Variants in OR5H15 observed in about 807,000 individuals in gnomAD.
OR5H15 encodes the protein olfactory receptor family 5 subfamily H member 15.
For missense variants in OR5H15, 405 were observed against 366.1 expected (o/e 1.11, Z -0.87); for synonymous variants, 153 against 129.1 (o/e 1.19, Z -1.26).
In OR5H15 at chr3:98,169,466, T is replaced by C. The variant is rs1708776539; in HGVS notation, c.767T>C (p.Leu256Pro). 1 of 1,612,990 alleles carries C rather than the reference T, an allele frequency of 6.2e-7. No homozygotes were observed. Among genetic ancestry groups the C allele is most frequent in the African/African-American group, 1.3e-5 (1 of 74,444 alleles). The change falls in exon 2 of 2, where the codon CTC becomes CCC. Residue 256 changes from leucine (L) to proline (P), a missense_variant. By Grantham distance (98) the Leu-to-Pro change is moderately conservative (BLOSUM62 -3). Transcript: ENST00000641450. Reference sequence around the variant, plus strand: ...GTCTGTTTATACTATGGCCCCCTTCTCTTAATGTATGTGGGCCCTGCATCT... The same window carrying C: ...GTCTGTTTATACTATGGCCCCCTTCCCTTAATGTATGTGGGCCCTGCATCT... ...FSVCLYYGPL[L>P]LMYVGPASPQ...
At chr3:98,168,583 G>T (rs1708751952) in intron 1 of OR5H15, 99 bp from the exon 2 acceptor site, 1 of 1,332,674 alleles carries the variant, frequency 7.5e-7, no homozygotes. Context: ...AATTGAGAGG[G>T]TTCTGATCAT....
chr3:98,169,000 T>C lies in OR5H15; in HGVS notation c.301T>C (p.Phe101Leu). 6.5e-7 allele frequency: 1 copy of C among 1,545,296 alleles called. No individual in the cohort carries two copies. Among genetic ancestry groups the C allele is most frequent in the South Asian group, 1.2e-5 (1 of 80,166 alleles). Residue 101 changes from phenylalanine (F) to leucine (L), a missense_variant, in exon 2 of 2, where the codon TTT becomes CTT. Coordinates refer to ENST00000641450, the MANE Select transcript of OR5H15 (RefSeq NM_001005515.2). ...MISLSECKIQ[F>L]FSIAIGVTTE... Reference sequence around the variant, plus strand: ...ATCTCTCTCTGAATGCAAGATACAATTTTTTTCCATTGCAATTGGCGTAAC... The same window carrying C: ...ATCTCTCTCTGAATGCAAGATACAACTTTTTTCCATTGCAATTGGCGTAAC...
At position 98,168,690 on chromosome 3, in the gene OR5H15, C is replaced by T. The variant is rs1289159526; in HGVS notation, c.-10C>T. On this transcript the variant is annotated 5_prime_UTR_variant, in exon 2 of 2. An upstream open reading frame in the 5' UTR gains an earlier in-frame stop. Transcript: ENST00000641450. Reference sequence around the variant, plus strand: ...GTTGCATTTTATTTTAGAGGACATGCAGTGAGGACATGGAAGAGGAAAATG... The same window carrying T: ...GTTGCATTTTATTTTAGAGGACATGTAGTGAGGACATGGAAGAGGAAAATG... 6.2e-7 allele frequency: 1 copy of T among 1,610,932 alleles called. No homozygotes were observed. Among genetic ancestry groups the T allele is most frequent in the African/African-American group, 1.3e-5 (1 of 74,790 alleles).
chr3:98,169,250 T>C lies in OR5H15; in HGVS notation c.551T>C (p.Leu184Ser), dbSNP rs748822263. Residue 184 changes from leucine (L) to serine (S), a missense_variant, in exon 2 of 2, where the codon TTG becomes TCG. Physicochemically the swap from Leu to Ser is moderately radical, Grantham distance 145. Coordinates refer to ENST00000641450, the MANE Select transcript of OR5H15 (RefSeq NM_001005515.2). The part of the protein sequence containing the change: ...VHHIYCDTIP[L>S]SKISCTDSSI... ...CACATTTACTGTGACACTATCCCAT[T>C]GTCTAAGATTTCTTGTACTGATTCT... 2.5e-6 allele frequency: 4 copies of C among 1,611,326 alleles called. No individual in the cohort carries two copies. Among genetic ancestry groups the C allele is most frequent in the Non-Finnish European group, 3.4e-6 (4 of 1,178,196 alleles).
chr3:98,169,673 A>G lies in OR5H15; in HGVS notation c.*32A>G, dbSNP rs754790155. Reference sequence around the variant, plus strand: ...TTTTCTATTTACTAAAATAGTCACAAAATTACGCAAGTTAGAGGTACCTAT... The same window carrying G: ...TTTTCTATTTACTAAAATAGTCACAGAATTACGCAAGTTAGAGGTACCTAT... On this transcript the variant is annotated 3_prime_UTR_variant, in exon 2 of 2. Transcript: ENST00000641450. 1.4e-6 allele frequency: 2 copies of G among 1,476,402 alleles called. No individual in the cohort carries two copies. Among genetic ancestry groups the G allele is most frequent in the Non-Finnish European group, 1.9e-6 (2 of 1,070,190 alleles). 91.5% of individuals were successfully genotyped at this position (1,476,402 alleles called of 1,614,324 possible). A position where few individuals can be genotyped will look rare whatever the true frequency, so the allele number is the denominator to read the frequency against.
In OR5H15 at chr3:98,169,115, G is replaced by A. The variant is rs757328054; in HGVS notation, c.416G>A (p.Gly139Glu). ...PLLYPAIMTN[G>E]LCIRLLILSY... ...CTTTATCCAGCCATTATGACCAATG[G>A]ACTGTGCATCCGGCTATTAATCTTG... The change falls in exon 2 of 2, where the codon GGA (glycine) becomes GAA (glutamate). Residue 139 changes from glycine (G) to glutamate (E), a missense_variant. Physicochemically the swap from Gly to Glu is moderately conservative, Grantham distance 98. Transcript: ENST00000641450. 6.2e-7 allele frequency: 1 copy of A among 1,613,518 alleles called. No individual in the cohort carries two copies. The highest frequency in any genetic ancestry group is 8.5e-7 in the Non-Finnish European group (1 of 1,179,620).
chr3:98,167,536 C>A (rs1206337109), intron 1 of OR5H15, among the ~76,000 whole-genome samples: 1 of 151,828 alleles, frequency 6.6e-6, no homozygotes, highest in Non-Finnish European at 1.5e-5. Flanking sequence ...TGATAGCCAC[C>A]AAGACTTGGA....
chr3:98,168,605 T>C (rs892107343), intron 1 of OR5H15, 77 bp from the exon 2 acceptor site: 13 of 1,511,818 alleles, frequency 8.6e-6, no homozygotes, highest in African/African-American at 1.4e-5. Context: ...TTAGGGTTTA[T>C]TTCAACATCT....
Position 98,169,624 on chromosome 3 carries a change from G to A in OR5H15, c.925G>A (p.Val309Ile). 2.5e-6 allele frequency: 4 copies of A among 1,592,474 alleles called. No homozygotes were observed. The highest frequency in any genetic ancestry group is 3.4e-6 in the Non-Finnish European group (4 of 1,163,878). The change falls in exon 2 of 2, where the codon GTT becomes ATT. Residue 309 changes from valine (V) to isoleucine (I), a missense_variant. By Grantham distance (29) the Val-to-Ile change is conservative (BLOSUM62 3). Coordinates refer to ENST00000641450, the MANE Select transcript of OR5H15 (RefSeq NM_001005515.2). ...ATTCATAAAAATGTTAAAAAGAAAT[G>A]TTAAGGTTTCATACTAATATCCTTT... ...VSFIKMLKRN[V>I]KVSY
chr3:98,168,568 C>T, intron 1 of OR5H15, 114 bp from the exon 2 acceptor site: 1 of 1,198,044 alleles, frequency 8.3e-7, no homozygotes, highest in Non-Finnish European at 1.2e-6. Context: ...TAGGACTGAT[C>T]AAAAAATTGA....
At position 98,169,198 on chromosome 3, in the gene OR5H15, A is replaced by C. The variant is rs4133322; in HGVS notation, c.499A>C (p.Thr167Pro). Residue 167 changes from threonine to proline, a missense_variant, in exon 2 of 2, where the codon ACC becomes CCC. Thr to Pro is a conservative substitution (Grantham distance 38). Transcript: ENST00000641450. ...CCATGAAGGATTTTTATTCAGACTA[A>C]CCTTCTGTAACTCCAACATAGTACA... ...LIHEGFLFRL[T>P]FCNSNIVHHI... is the part of the protein sequence containing the mutation. 5.0e-6 allele frequency: 8 copies of C among 1,612,368 alleles called. No homozygotes were observed. In the African/African-American group the frequency reaches 5.3e-5, roughly 11 times the overall value.
Position 98,169,391 on chromosome 3 carries a change from A to T in OR5H15, c.692A>T (p.Asp231Val), listed in dbSNP as rs1354676981. The T allele has an allele frequency of 4.3e-6, 7 of 1,613,362 alleles. No individual in the cohort carries two copies. The highest frequency in any genetic ancestry group is 5.9e-6 in the Non-Finnish European group (7 of 1,179,644). Reference protein sequence around the residue: ...VLFTVLEKKSDKGVRKAFSTC... With the variant: ...VLFTVLEKKSVKGVRKAFSTC... ...TTCACAGTCTTAGAAAAGAAATCTG[A>T]TAAGGGTGTAAGGAAAGCCTTTTCC... The change falls in exon 2 of 2, where the codon GAT becomes GTT. Residue 231 changes from aspartate (D) to valine (V), a missense_variant. Transcript: ENST00000641450.
chr3:98,167,761 G>A (rs549066526), intron 1 of OR5H15, among the ~76,000 whole-genome samples: 4 of 152,086 alleles, frequency 2.6e-5, no homozygotes, highest in African/African-American at 7.2e-5. Flanking sequence ...ATTATGATCG[G>A]AAAATACCTA....
In OR5H15 at chr3:98,168,575, T is replaced by A. The variant is rs1708751819; in HGVS notation, c.-18-107T>A. ...ATCAGTTGTAGGACTGATCAAAAAATTGAGAGGGTTCTGATCATTTTAGGG... is the reference window on the plus strand; with the variant it reads ...ATCAGTTGTAGGACTGATCAAAAAAATGAGAGGGTTCTGATCATTTTAGGG... On this transcript the variant is annotated intron_variant, in intron 1 of 1. Coordinates refer to ENST00000641450, the MANE Select transcript of OR5H15 (RefSeq NM_001005515.2). 17 of 1,252,240 alleles carry A rather than the reference T, an allele frequency of 1.4e-5. No individual in the cohort carries two copies. The South Asian group carries it at 2.5e-4, about 18-fold the overall frequency. 77.6% of individuals were successfully genotyped at this position (1,252,240 alleles called of 1,614,324 possible).
At position 98,166,698 on chromosome 3, in the gene OR5H15, T is replaced by G. The variant is rs1383048727; in HGVS notation, c.-152T>G. On this transcript the variant is annotated 5_prime_UTR_variant, in exon 1 of 2. An upstream start codon of the reference 5' UTR is lost. Transcript: ENST00000641450. ...TCAACATTTTTCTATGCTTGGAAAA[T>G]GAAACCTTCAAAAAGCATGAGTACG... 6.6e-6 allele frequency: 1 copy of G among 152,076 alleles called. No individual in the cohort carries two copies. Among genetic ancestry groups the G allele is most frequent in the Admixed American group, 6.6e-5 (1 of 15,242 alleles). 9.4% of individuals were successfully genotyped at this position (152,076 alleles called of 1,614,324 possible). A position where few individuals can be genotyped will look rare whatever the true frequency, so the allele number is the denominator to read the frequency against.
At position 98,169,638 on chromosome 3, in the gene OR5H15, C is replaced by G; in HGVS notation, c.939C>G (p.Tyr313Ter). 6.4e-7 allele frequency: 1 copy of G among 1,570,590 alleles called. No individual in the cohort carries two copies. The highest frequency in any genetic ancestry group is 8.7e-7 in the Non-Finnish European group (1 of 1,146,008). Residue 313 changes from tyrosine (Y) to a stop codon, truncating the protein, a stop_gained, in exon 2 of 2, where the codon TAC becomes TAG. Transcript: ENST00000641450. LOFTEE classifies it high-confidence loss of function. ...TAAAAAGAAATGTTAAGGTTTCATA[C>G]TAATATCCTTTTTCTATTTACTAAA... Reference protein sequence around the residue: ...KMLKRNVKVSY With the variant: ...KMLKRNVKVS
intron 1 of OR5H15, among the ~76,000 whole-genome samples, chr3:98,167,656 T>C (rs1175964871): frequency 6.6e-6 from 1 of 152,082 alleles, no homozygotes; most frequent in Non-Finnish European, 1.5e-5. Context: ...TTTTGTTTCT[T>C]CATTACTCTC....
rs1708770958 is a variant in OR5H15 at position 98,169,315 on chromosome 3, A to G, written c.616A>G (p.Ile206Val). The G allele has an allele frequency of 1.2e-6, 2 of 1,612,064 alleles. No homozygotes were observed. The highest frequency in any genetic ancestry group is 1.1e-5 in the South Asian group (1 of 90,998). Residue 206 changes from isoleucine to valine, a missense_variant, in exon 2 of 2, where the codon ATT becomes GTT. Coordinates refer to ENST00000641450, the MANE Select transcript of OR5H15 (RefSeq NM_001005515.2). ...AATGGTTTTTATTTTCTCAGGTTCAATTCAGGTATTCAGCATTGTGACTAT... is the reference window on the plus strand; with the variant it reads ...AATGGTTTTTATTTTCTCAGGTTCAGTTCAGGTATTCAGCATTGTGACTAT... ...FLMVFIFSGS[I>V]QVFSIVTILI... is the part of the protein sequence containing the mutation.
chr3:98,167,529 T>C (rs1441236092), intron 1 of OR5H15, among the ~76,000 whole-genome samples: 3 of 152,014 alleles, frequency 2.0e-5, no homozygotes, highest in Admixed American at 6.6e-5. Context: ...TAACCTCTGA[T>C]AGCCACCAAG....
Sources: allele counts gnomAD v4.1 joint callset (sites outside exome capture counted in the v4.1 genomes callset), GRCh38; gene constraint gnomAD v4.1.1; transcripts MANE v1.5; gene names NCBI Gene and HGNC (gene_info 2026-07-23, HGNC 2026-07-21).